The following FREM1 variants were observed in gnomAD, a reference collection of about 807,000 sequenced individuals.
FREM1 encodes the protein FRAS1 related extracellular matrix 1, also known as FRAS1-related extracellular matrix protein 1.
In FREM1, 220 loss-of-function variants were observed where a neutral mutation model predicts 210.1. The observed-to-expected ratio is 1.05, with a 90% CI of 0.94 to 1.17. The LOEUF is 1.17. FREM1 is among the 50% of genes most tolerant of loss of function. The pLI is 0.00. For synonymous variants in FREM1, 1,189 were observed against 980.2 expected, an observed-to-expected ratio of 1.21 and a Z score of -3.98; for missense variants, 3,454 against 2,675.5, an observed-to-expected ratio of 1.29 and a Z score of -6.42.
intron 1 of FREM1, among the ~76,000 whole-genome samples, chr9:14,907,706 A>G (rs1818020164): frequency 6.6e-6 from 1 of 152,230 alleles, no homozygotes; most frequent in Non-Finnish European, 1.5e-5. Context: ...AAAAAAATAC[A>G]TCTGAAAATT....
At chr9:14,825,652 C>T (rs916923937) in intron 10 of FREM1, among the ~76,000 whole-genome samples, 1 of 148,696 alleles carries the variant, frequency 6.7e-6, no homozygotes, top group Non-Finnish European at 1.5e-5. Context: ...TTTATTTTTA[C>T]ATCTCTCTTC....
chr9:14,836,930 A>C lies in FREM1; in HGVS notation c.1881+4517T>G, dbSNP rs1240413094. Among the ~76,000 whole-genome samples the C allele has an allele frequency of 6.6e-6, 1 of 152,170 alleles. No homozygotes were observed. Among genetic ancestry groups the C allele is most frequent in the Non-Finnish European group, 1.5e-5 (1 of 68,036 alleles). ...AAATTATTTTATGCAGATAGAGAGG[A>C]AAAGGGGTCCTTGGGTAGTTTTCGT... On this transcript the variant is annotated intron_variant, in intron 10 of 36. Coordinates refer to ENST00000380880, the MANE Select transcript of FREM1 (RefSeq NM_001379081.2). The surrounding 1 kb of genome is among the most constrained non-coding windows in gnomAD (Gnocchi z 4.9).
intron 1 of FREM1, among the ~76,000 whole-genome samples, chr9:14,906,789 G>C (rs1817773273): frequency 6.6e-6 from 1 of 152,180 alleles, no homozygotes; most frequent in South Asian, 2.1e-4. Context: ...CTAAGCAGCT[G>C]ATAATGTTTG....
chr9:14,745,007 TAATGCAGGAACAGAAAACCA>T, intron 35 of FREM1, among the ~76,000 whole-genome samples: 1 of 152,300 alleles, frequency 6.6e-6, no homozygotes, highest in Non-Finnish European at 1.5e-5. Flanking sequence ...TGTAGCAAAC[TAATGCAGGAACAGAAAACCA>T]AATGCTGCAT....
chr9:14,798,075 G>A (rs1420670871), intron 20 of FREM1, among the ~76,000 whole-genome samples: 3 of 151,708 alleles, frequency 2.0e-5, no homozygotes. Context: ...ACATTTAAAT[G>A]GAAATTCAAG....
chr9:14,796,101 G>C (rs950427885), intron 21 of FREM1, among the ~76,000 whole-genome samples: 1 of 152,176 alleles, frequency 6.6e-6, no homozygotes, highest in African/African-American at 2.4e-5. Context: ...TCTATCATCA[G>C]TATTTCCCAT....
chr9:14,841,421 G>T (rs757535183), intron 10 of FREM1, 26 bp downstream of exon 10: 4 of 1,551,714 alleles, frequency 2.6e-6, no homozygotes, highest in East Asian at 4.6e-5. Flanking sequence ...AAGACTTTGG[G>T]AAAGTGTTCA....
In FREM1 at chr9:14,860,866, T is replaced by TATATACGTATATATATACACATATATAC. The variant is rs879455765; in HGVS notation, c.330-1383_330-1382insGTATATATGTGTATATATATACGTATAT. Reference sequence around the variant, plus strand: ...ATACATATATACGTATATATACACATATATATACGTATATATACACATATA... The same window carrying TATATACGTATATATATACACATATATAC: ...ATACATATATACGTATATATACACATATATACGTATATATATACACATATATACATATATACGTATATATACACATATA... On this transcript the variant is annotated intron_variant, in intron 3 of 36. Transcript: ENST00000380880. Among the ~76,000 whole-genome samples, 79 of 46,128 alleles carry TATATACGTATATATATACACATATATAC rather than the reference T, an allele frequency of 1.7e-3. 7 individuals are homozygous for TATATACGTATATATATACACATATATAC. Among genetic ancestry groups the TATATACGTATATATATACACATATATAC allele is most frequent in the African/African-American group, 0.011 (52 of 4,820 alleles). The allele number at this position is 46,128 out of a possible 152,430, so 30.3% of individuals were successfully genotyped here.
intron 27 of FREM1, 149 bp from the exon 28 acceptor site, chr9:14,760,050 A>C: frequency 2.0e-6 from 1 of 512,170 alleles, no homozygotes; most frequent in Non-Finnish European, 3.4e-6. Context: ...ATTTTAGTTC[A>C]CAAAGAATGT....
chr9:14,761,711 T>C (rs1587780831), intron 27 of FREM1, among the ~76,000 whole-genome samples: 2 of 152,306 alleles, frequency 1.3e-5, no homozygotes, highest in Non-Finnish European at 1.5e-5. Context: ...TCCCCTGCTG[T>C]TCCACTTGGG....
intron 8 of FREM1, among the ~76,000 whole-genome samples, chr9:14,844,718 C>G (rs1042002569): frequency 6.6e-6 from 1 of 152,142 alleles, no homozygotes; most frequent in East Asian, 1.9e-4. Flanking sequence ...TCAGGCTTCC[C>G]GACTTGCTTG....
intron 1 of FREM1, among the ~76,000 whole-genome samples, chr9:14,897,454 ATTGGT>A (rs1467185240): frequency 7.2e-6 from 1 of 139,606 alleles, no homozygotes; most frequent in Non-Finnish European, 1.5e-5. Context: ...AGGTTAGACA[ATTGGT>A]TGTTGCTTTA....
intron 25 of FREM1, among the ~76,000 whole-genome samples, chr9:14,771,758 C>T (rs143782438): frequency 1.8e-3 from 277 of 152,134 alleles, no homozygotes; most frequent in Non-Finnish European, 2.7e-3. Context: ...AATGATAAGA[C>T]CATGTATATT....
intron 35 of FREM1, among the ~76,000 whole-genome samples, chr9:14,741,592 C>T (rs938438880): frequency 3.3e-5 from 5 of 152,252 alleles, no homozygotes; most frequent in East Asian, 1.9e-4. Context: ...CACTCTAAAG[C>T]GCTGTAGGCT....
At chr9:14,879,730 CA>C (rs1834443015) in intron 1 of FREM1, among the ~76,000 whole-genome samples, 1 of 152,140 alleles carries the variant, frequency 6.6e-6, no homozygotes, top group Non-Finnish European at 1.5e-5. Context: ...TGGAGAAAAG[CA>C]TGCTTCCATT....
chr9:14,787,213 A>G (rs368920162), intron 23 of FREM1, among the ~76,000 whole-genome samples: 1 of 152,328 alleles, frequency 6.6e-6, no homozygotes. Context: ...AGAGATAAAC[A>G]ATTATGGCTA....
At chr9:14,760,721 T>A (rs1003304647) in intron 27 of FREM1, among the ~76,000 whole-genome samples, 1 of 152,144 alleles carries the variant, frequency 6.6e-6, no homozygotes, top group Admixed American at 6.5e-5. Flanking sequence ...CAAGCATAAA[T>A]CTAATGCCAA....
At chr9:14,900,437 G>A (rs1404554302) in intron 1 of FREM1, among the ~76,000 whole-genome samples, 1 of 152,168 alleles carries the variant, frequency 6.6e-6, no homozygotes. Context: ...AGGATCTTTG[G>A]CATGTCTAAA....
At chr9:14,765,124 C>T (rs149507699) in intron 27 of FREM1, among the ~76,000 whole-genome samples, 1,789 of 152,258 alleles carry the variant, frequency 0.012, 25 homozygotes, top group South Asian at 0.039. Flanking sequence ...AATCAAGTAG[C>T]ATGTGACAAG....
Sources: gnomAD v4.1 joint callset for allele counts (sites outside exome capture counted in the v4.1 genomes callset) on GRCh38, gnomAD v4.1.1 for gene constraint, Gnocchi (gnomAD v3.1) non-coding constraint, MANE v1.5 for transcripts, NCBI Gene and HGNC (gene_info 2026-07-23, HGNC 2026-07-21) for gene names.